PRRC1: variants seen among roughly 807,000 people sequenced by gnomAD.
The protein encoded by PRRC1 is proline rich coiled-coil 1.
In PRRC1, 39 loss-of-function variants were observed where a neutral mutation model predicts 40.7. The ratio of observed to expected loss-of-function variants is 0.96; its 90% CI spans 0.74 to 1.25. The LOEUF (loss-of-function observed/expected upper bound fraction) is 1.25, where lower values mean the gene tolerates loss of function less well. Ranked by LOEUF, PRRC1 falls within the 50% of genes most tolerant of loss-of-function variation. The pLI, the probability that PRRC1 is intolerant of heterozygous loss-of-function variation, is 0.00. For missense variants in PRRC1, 573 were observed against 548.3 expected, an observed-to-expected ratio of 1.05 and a Z score of -0.45; for synonymous variants, 175 against 193.3, an observed-to-expected ratio of 0.91 and a Z score of 0.79.
intron 1 of PRRC1, among the ~76,000 whole-genome samples, chr5:127,523,130 A>G (rs1767504034): frequency 6.6e-6 from 1 of 152,178 alleles, no homozygotes; most frequent in Non-Finnish European, 1.5e-5. Context: ...ACTATCTCTA[A>G]CATGCATTCA....
chr5:127,545,115 A>G (rs1468016276), intron 7 of PRRC1, among the ~76,000 whole-genome samples: 14 of 152,146 alleles, frequency 9.2e-5, no homozygotes, highest in East Asian at 3.9e-4. Flanking sequence ...TAGAATGGCA[A>G]TCATTAAAAA....
rs1302315256 is a variant in PRRC1, at chr5:127,552,045, A to C, written c.*129A>C. ...TTTTTATCATTTTCCTGTAGCCTGC[A>C]ATTTTTCTTTCTCTAGAAAGGCATC... On this transcript the variant is annotated 3_prime_UTR_variant, in exon 9 of 9. Coordinates refer to ENST00000296666, the MANE Select transcript of PRRC1 (RefSeq NM_130809.5). The C allele has an allele frequency of 6.9e-7, 1 of 1,453,810 alleles. No homozygotes were observed. The highest frequency in any genetic ancestry group is 1.4e-5 in the African/African-American group (1 of 70,136). The allele number at this position is 1,453,810 out of a possible 1,614,324, so 90.1% of individuals were successfully genotyped here. A position where few individuals can be genotyped will look rare whatever the true frequency, so the allele number is the denominator to read the frequency against.
At chr5:127,523,429 TA>T in intron 1 of PRRC1, 30 bp from the exon 2 acceptor site, 1 of 1,109,678 alleles carries the variant, frequency 9.0e-7, no homozygotes, top group Non-Finnish European at 1.3e-6. Context: ...GGTTACTGTG[TA>T]ATATTTGTTA....
chr5:127,526,825 AATAG>A (rs752880253), intron 4 of PRRC1, 47 bp downstream of exon 4: 4 of 1,392,460 alleles, frequency 2.9e-6, no homozygotes, highest in Non-Finnish European at 1.9e-6. Context: ...TTATAAAACT[AATAG>A]ATATTCATTA....
In PRRC1 at chr5:127,517,726, C is replaced by G. The variant is rs1767352525; in HGVS notation, c.-71C>G. 1 of 152,360 alleles carries G rather than the reference C, an allele frequency of 6.6e-6. No individual in the cohort carries two copies. Among genetic ancestry groups the G allele is most frequent in the South Asian group, 2.1e-4 (1 of 4,822 alleles). 9.4% of individuals were successfully genotyped at this position (152,360 alleles called of 1,614,324 possible). On this transcript the variant is annotated 5_prime_UTR_variant, in exon 1 of 9. Coordinates refer to ENST00000296666, the MANE Select transcript of PRRC1 (RefSeq NM_130809.5). Reference sequence around the variant, plus strand: ...GCTGTAGTTCTACGTCCCGACCTCCCTATCATACCACACTCTTCAGCGACC... The same window carrying G: ...GCTGTAGTTCTACGTCCCGACCTCCGTATCATACCACACTCTTCAGCGACC...
At position 127,523,562 on chromosome 5, in the gene PRRC1, C is replaced by T; in HGVS notation, c.83C>T (p.Ser28Phe). The part of the protein sequence containing the change: ...NPAGLAATAM[S>F]STPVPLAATS... ...GCAGGGCTGGCTGCTACTGCTATGT[C>T]TTCTACCCCTGTTCCATTAGGTACA... is the stretch of plus-strand genomic sequence containing the variant. Residue 28 changes from serine to phenylalanine, a missense_variant, in exon 2 of 9, where the codon TCT becomes TTT. Coordinates refer to ENST00000296666, the MANE Select transcript of PRRC1 (RefSeq NM_130809.5). 6.2e-7 allele frequency: 1 copy of T among 1,610,532 alleles called. No homozygotes were observed. Among genetic ancestry groups the T allele is most frequent in the Non-Finnish European group, 8.5e-7 (1 of 1,178,406 alleles).
chr5:127,543,767 C>A (rs1768125632), intron 7 of PRRC1, among the ~76,000 whole-genome samples: 1 of 152,168 alleles, frequency 6.6e-6, no homozygotes, highest in Non-Finnish European at 1.5e-5. Flanking sequence ...TCTAGTTATA[C>A]ATTCGTCTAA....
At chr5:127,551,653 TC>T in intron 8 of PRRC1, 53 bp from the exon 9 acceptor site, 1 of 1,536,238 alleles carries the variant, frequency 6.5e-7, no homozygotes, top group Non-Finnish European at 9.0e-7. Flanking sequence ...TATAGCTAGT[TC>T]CAATGATATT....
Position 127,552,513 on chromosome 5 carries a change from C to T in PRRC1, c.*597C>T. ...TATTTTCCTTTTTGGCCATCACGTA[C>T]ACATGTAATCTGGAAAATCATACCT... is the stretch of plus-strand genomic sequence containing the variant. On this transcript the variant is annotated 3_prime_UTR_variant, in exon 9 of 9. Transcript: ENST00000296666. The T allele has an allele frequency of 3.0e-6, 3 of 985,850 alleles. No homozygotes were observed. Among genetic ancestry groups the T allele is most frequent in the Non-Finnish European group, 3.6e-6 (3 of 829,872 alleles). The allele number at this position is 985,850 out of a possible 1,614,324, so 61.1% of individuals were successfully genotyped here.
Position 127,552,086 on chromosome 5 carries a change from AC to A in PRRC1, c.*171del. 7.0e-7 allele frequency: 1 copy of A among 1,421,782 alleles called. No individual in the cohort carries two copies. The highest frequency in any genetic ancestry group is 9.2e-7 in the Non-Finnish European group (1 of 1,091,042). The allele number at this position is 1,421,782 out of a possible 1,614,324, so 88.1% of individuals were successfully genotyped here. Reference sequence around the variant, plus strand: ...GAAAGGCATCATGTCATTCCAGGAGACAAAAAGAAACAAATCCTTTTTATAG... The same window carrying A: ...GAAAGGCATCATGTCATTCCAGGAGAAAAAAGAAACAAATCCTTTTTATAG... On this transcript the variant is annotated 3_prime_UTR_variant, in exon 9 of 9. Coordinates refer to ENST00000296666, the MANE Select transcript of PRRC1 (RefSeq NM_130809.5).
chr5:127,533,832 ATTT>A, intron 6 of PRRC1, 46 bp downstream of exon 6: 1 of 1,582,820 alleles, frequency 6.3e-7, no homozygotes, highest in South Asian at 1.1e-5. Context: ...CTGGCATTTA[ATTT>A]TTTCACAATT....
At chr5:127,550,498 A>C (rs2127119983) in intron 8 of PRRC1, 1 of 152,324 alleles carries the variant, frequency 6.6e-6, no homozygotes, top group South Asian at 2.1e-4. Flanking sequence ...CCTCACCCCC[A>C]TAAAAAACCC....
chr5:127,531,265 A>T (rs1767762827), intron 5 of PRRC1, among the ~76,000 whole-genome samples: 2 of 152,160 alleles, frequency 1.3e-5, no homozygotes, highest in South Asian at 4.1e-4. Context: ...GTTTGGAGGG[A>T]TGTAAGTTAT....
intron 6 of PRRC1, among the ~76,000 whole-genome samples, chr5:127,535,444 G>A (rs1021679654): frequency 2.0e-5 from 3 of 152,158 alleles, no homozygotes; most frequent in African/African-American, 7.2e-5. Flanking sequence ...TTTACATTGT[G>A]TCAGCTGAAA....
At chr5:127,530,591 TAAA>T (rs1767742258) in intron 5 of PRRC1, among the ~76,000 whole-genome samples, 195 bp downstream of exon 5, 1 of 152,188 alleles carries the variant, frequency 6.6e-6, no homozygotes. Context: ...AGTCATTAAA[TAAA>T]TTTTGAAAAT....
chr5:127,546,176 C>G (rs1415696778), intron 7 of PRRC1, among the ~76,000 whole-genome samples: 2 of 152,032 alleles, frequency 1.3e-5, no homozygotes, highest in Non-Finnish European at 2.9e-5. Flanking sequence ...ATTCACCTGT[C>G]TTCAGGTTCA....
intron 6 of PRRC1, among the ~76,000 whole-genome samples, chr5:127,535,276 C>G (rs543053609): frequency 3.9e-4 from 59 of 152,310 alleles, no homozygotes; most frequent in African/African-American, 1.4e-3. Context: ...ATTTAACACA[C>G]TCGTTTTCTC....
At chr5:127,530,753 T>TG (rs1166522169) in intron 5 of PRRC1, among the ~76,000 whole-genome samples, 1 of 151,956 alleles carries the variant, frequency 6.6e-6, no homozygotes, top group African/African-American at 2.4e-5. Flanking sequence ...ATACTTTTTT[T>TG]TTTTTTTACA....
At chr5:127,537,567 G>A (rs1767931550) in intron 6 of PRRC1, among the ~76,000 whole-genome samples, 1 of 151,904 alleles carries the variant, frequency 6.6e-6, no homozygotes, top group Non-Finnish European at 1.5e-5. Context: ...TGTGAATCCT[G>A]TGAAATATAA....
Sources: allele counts gnomAD v4.1 joint callset (sites outside exome capture counted in the v4.1 genomes callset), GRCh38; gene constraint gnomAD v4.1.1; transcripts MANE v1.5; gene names NCBI Gene and HGNC (gene_info 2026-07-23, HGNC 2026-07-21).